Variants in GRIA1 observed in about 807,000 individuals in gnomAD.
The protein encoded by GRIA1 is glutamate ionotropic receptor AMPA type subunit 1.
GRIA1 carries 31 observed loss-of-function variants against 99.2 expected under a neutral mutation model. The ratio of observed to expected loss-of-function variants is 0.31; its 90% CI spans 0.23 to 0.42. GRIA1 has a LOEUF of 0.42. GRIA1 is among the 10% of genes least tolerant of loss of function. The pLI is 1.00. For missense variants in GRIA1, 782 were observed against 1,157.5 expected, an observed-to-expected ratio of 0.68 and a Z score of 4.71; for synonymous variants, 438 against 432.4, an observed-to-expected ratio of 1.01 and a Z score of -0.16.
At chr5:153,589,719 A>G (rs1468101260) in intron 2 of GRIA1, among the ~76,000 whole-genome samples, 1 of 152,156 alleles carries the variant, frequency 6.6e-6, no homozygotes, top group Non-Finnish European at 1.5e-5. Flanking sequence ...TCAGGTTGGC[A>G]CTATAAACTG....
intron 2 of GRIA1, among the ~76,000 whole-genome samples, chr5:153,513,667 C>T (rs1008531245): frequency 6.6e-6 from 1 of 152,168 alleles, no homozygotes; most frequent in African/African-American, 2.4e-5. Context: ...CTCCATGACC[C>T]TGAGTACTTT....
At chr5:153,800,577 GTGTA>G (rs1282185025) in intron 14 of GRIA1, among the ~76,000 whole-genome samples, 1 of 152,178 alleles carries the variant, frequency 6.6e-6, no homozygotes, top group African/African-American at 2.4e-5. Flanking sequence ...GCCTTGCCAA[GTGTA>G]ACCTATATTC....
At chr5:153,519,420 G>A (rs1756936040) in intron 2 of GRIA1, among the ~76,000 whole-genome samples, 1 of 151,704 alleles carries the variant, frequency 6.6e-6, no homozygotes, top group Non-Finnish European at 1.5e-5. Context: ...CCTATTGAAT[G>A]ACTTAATTTT....
rs920564246 is a variant in GRIA1, at chr5:153,813,641, C to A, written c.*2416C>A. On this transcript the variant is annotated 3_prime_UTR_variant, in exon 16 of 16. Transcript: ENST00000285900. ...ACATTTTTCTCAACAGGAATCCATA[C>A]TTAACAGTTCTGGCTTTCATTAAAT... 2 of 152,220 alleles carry A rather than the reference C, an allele frequency of 1.3e-5. No homozygotes were observed. The highest frequency in any genetic ancestry group is 4.8e-5 in the African/African-American group (2 of 41,458). The allele number at this position is 152,220 out of a possible 1,614,324, so 9.4% of individuals were successfully genotyped here. A position where few individuals can be genotyped will look rare whatever the true frequency, so the allele number is the denominator to read the frequency against.
At chr5:153,730,554 T>C (rs1173538191) in intron 11 of GRIA1, among the ~76,000 whole-genome samples, 1 of 151,804 alleles carries the variant, frequency 6.6e-6, no homozygotes, top group Admixed American at 6.6e-5. Flanking sequence ...ATAAAATAAG[T>C]AGGAAAGTGG....
At chr5:153,628,434 G>C (rs1439680827) in intron 2 of GRIA1, among the ~76,000 whole-genome samples, 1 of 152,192 alleles carries the variant, frequency 6.6e-6, no homozygotes, top group Non-Finnish European at 1.5e-5. Context: ...GGAGATTCTA[G>C]TACCTTCTTC....
chr5:153,736,530 G>A (rs932755489), intron 11 of GRIA1, among the ~76,000 whole-genome samples: 4 of 152,210 alleles, frequency 2.6e-5, no homozygotes, highest in Admixed American at 2.0e-4. Flanking sequence ...GTTTATCAAG[G>A]AGACAGGCTC....
At chr5:153,749,794 T>C (rs1467018779) in intron 11 of GRIA1, among the ~76,000 whole-genome samples, 1 of 152,030 alleles carries the variant, frequency 6.6e-6, no homozygotes, top group Non-Finnish European at 1.5e-5. Context: ...TCTACACCCA[T>C]TTTTTTGCAA....
chr5:153,742,355 T>C (rs1329816095), intron 11 of GRIA1, among the ~76,000 whole-genome samples: 1 of 152,236 alleles, frequency 6.6e-6, no homozygotes, highest in African/African-American at 2.4e-5. Flanking sequence ...TGTCAGTCGC[T>C]GTCCTGTGTG....
rs181041504 is a variant in GRIA1 at position 153,539,650 on chromosome 5, C to T, written c.220+45585C>T. Among the ~76,000 whole-genome samples, 278 of 152,274 alleles carry T rather than the reference C, an allele frequency of 1.8e-3. 1 individual carries two copies. The highest frequency in any genetic ancestry group is 4.4e-3 in the South Asian group (21 of 4,814). On this transcript the variant is annotated intron_variant, in intron 2 of 15. Coordinates refer to ENST00000285900, the MANE Select transcript of GRIA1 (RefSeq NM_000827.4). The stretch of plus-strand genomic sequence containing the variant: ...TAAACCCAAGTTTCTCAATGTTGCT[C>T]ACGGGCAAGCTGCACCTGAATTTTC...
chr5:153,490,561 C>CGA, upstream of GRIA1: 1 of 405,208 alleles, frequency 2.5e-6, no homozygotes, highest in South Asian at 2.4e-5. Flanking sequence ...AGGGGGAGAG[C>CGA]GAGAGAGAGC....
chr5:153,672,416 C>G (rs1336344164), intron 5 of GRIA1, among the ~76,000 whole-genome samples: 1 of 152,092 alleles, frequency 6.6e-6, no homozygotes, highest in East Asian at 1.9e-4. Context: ...AGAACTAGTT[C>G]TTTAGATAAG....
intron 2 of GRIA1, among the ~76,000 whole-genome samples, chr5:153,504,596 G>A (rs1755318781): frequency 1.3e-5 from 2 of 152,078 alleles, no homozygotes; most frequent in South Asian, 2.1e-4. Context: ...GGATTCTGGT[G>A]GGTAAGTCAA....
intron 1 of GRIA1, among the ~76,000 whole-genome samples, chr5:153,493,308 G>C (rs150645319): frequency 2.1e-3 from 324 of 152,304 alleles, no homozygotes; most frequent in African/African-American, 7.4e-3. Flanking sequence ...GCAAAACATT[G>C]TTTGCAGAAA....
At chr5:153,517,126 A>C (rs1756699610) in intron 2 of GRIA1, among the ~76,000 whole-genome samples, 1 of 152,172 alleles carries the variant, frequency 6.6e-6, no homozygotes, top group Non-Finnish European at 1.5e-5. Flanking sequence ...AAACCCACAC[A>C]GGCCTAGAGG....
At chr5:153,570,799 A>G (rs1041920617) in intron 2 of GRIA1, among the ~76,000 whole-genome samples, 4 of 152,208 alleles carry the variant, frequency 2.6e-5, no homozygotes, top group African/African-American at 9.6e-5. Flanking sequence ...TGCCTGGCAC[A>G]TAGTAAGTGC....
At chr5:153,761,000 A>G (rs370236354) in intron 11 of GRIA1, among the ~76,000 whole-genome samples, 1 of 152,096 alleles carries the variant, frequency 6.6e-6, no homozygotes, top group Non-Finnish European at 1.5e-5. Flanking sequence ...CTAGATCCCT[A>G]TCTCTCACTA....
At position 153,600,391 on chromosome 5, in the gene GRIA1, CAAAAAAA is replaced by C. The variant is rs57395601; in HGVS notation, c.221-46518_221-46512del. Among the ~76,000 whole-genome samples the C allele has an allele frequency of 1.4e-4, 7 of 51,502 alleles. No homozygotes were observed. The East Asian group carries it at 2.5e-3, about 18-fold the overall frequency. The allele number at this position is 51,502 out of a possible 152,430, so 33.8% of individuals were successfully genotyped here. A position where few individuals can be genotyped will look rare whatever the true frequency, so the allele number is the denominator to read the frequency against. ...TGGGCGACAGAGCGAGACTCCATCTCAAAAAAAAAAAAAAAAAAAAAAAAAGTATGGA... is the reference window on the plus strand; with the variant it reads ...TGGGCGACAGAGCGAGACTCCATCTCAAAAAAAAAAAAAAAAAAGTATGGA... On this transcript the variant is annotated intron_variant, in intron 2 of 15. Coordinates refer to ENST00000285900, the MANE Select transcript of GRIA1 (RefSeq NM_000827.4).
intron 2 of GRIA1, among the ~76,000 whole-genome samples, chr5:153,594,798 C>T (rs1021131321): frequency 2.0e-5 from 3 of 151,606 alleles, no homozygotes; most frequent in Non-Finnish European, 4.4e-5. Context: ...CTTCAGAGTC[C>T]ACCCCCAGTC....
Sources: allele counts gnomAD v4.1 joint callset (sites outside exome capture counted in the v4.1 genomes callset), GRCh38; gene constraint gnomAD v4.1.1; transcripts MANE v1.5; gene names NCBI Gene and HGNC (gene_info 2026-07-23, HGNC 2026-07-21).